The following BBS12 variants were observed in gnomAD, a reference collection of about 807,000 sequenced individuals.
BBS12 encodes the protein chaperonin-containing T-complex member BBS12.
Under a neutral mutation model 5.6 loss-of-function variants are expected in BBS12, and 5 were observed. That is an observed-to-expected ratio of 0.89 (90% CI 0.46 to 1.86). The LOEUF is 1.86. BBS12 is among the 40% of genes most tolerant of loss of function. BBS12 has a pLI of 0.01. For synonymous variants in BBS12, 308 were observed against 306.8 expected (o/e 1.00, Z -0.04); for missense variants, 748 against 830.4 (o/e 0.90, Z 1.22).
chr4:122,724,972 G>A, the BBS12 span, among the ~76,000 whole-genome samples: 19 of 152,110 alleles, frequency 1.2e-4, no homozygotes, highest in Admixed American at 6.5e-5. Flanking sequence ...TCAATGCCAT[G>A]ATTTTTTTTT....
chr4:122,737,704 G>A (rs309364), intron 1 of BBS12, among the ~76,000 whole-genome samples: 41,162 of 152,052 alleles, frequency 0.27, 6,783 homozygotes, highest in African/African-American at 0.45. Context: ...ATGACTTATG[G>A]ACATAAATAT....
chr4:122,717,394 T>C, the BBS12 span, among the ~76,000 whole-genome samples: 1 of 152,226 alleles, frequency 6.6e-6, no homozygotes, highest in South Asian at 2.1e-4. Context: ...ATCTATTCTT[T>C]CTTTTTTTTT....
At chr4:122,730,680 T>C (rs1290217777), upstream of BBS12, 1 of 152,168 alleles carries the variant, frequency 6.6e-6, no homozygotes, top group Non-Finnish European at 1.5e-5. Flanking sequence ...TAAAATGACA[T>C]AAATGAAGTC....
chr4:122,742,768 G>A lies in BBS12; in HGVS notation c.876G>A (p.Leu292=), dbSNP rs1800903154. 6.2e-7 allele frequency: 1 copy of A among 1,614,096 alleles called. No homozygotes were observed. The highest frequency in any genetic ancestry group is 1.3e-5 in the African/African-American group (1 of 74,946). The stretch of plus-strand genomic sequence containing the variant: ...AGTTAGTAGAAGAAGCAGTACAGCT[G>A]CAATATCAGAATGCTTGTGTGCAAC... The part of the protein sequence containing the change: ...SMKLVEEAVQ[L]QYQNACVQQG... Residue 292 remains leucine, a synonymous_variant, in exon 2 of 2, where the codon CTG becomes CTA. Coordinates refer to ENST00000314218, the MANE Select transcript of BBS12 (RefSeq NM_152618.3).
chr4:122,706,442 A>G, the BBS12 span, among the ~76,000 whole-genome samples: 1 of 152,168 alleles, frequency 6.6e-6, no homozygotes, highest in Non-Finnish European at 1.5e-5. Context: ...ATCAGTTTGA[A>G]TGCTGGAGGG....
At chr4:122,734,794 G>A (rs1800761050) in intron 1 of BBS12, among the ~76,000 whole-genome samples, 1 of 151,888 alleles carries the variant, frequency 6.6e-6, no homozygotes, top group Non-Finnish European at 1.5e-5. Context: ...TTTAATTGTA[G>A]GCTCAGATTC....
chr4:122,705,255 T>C, the BBS12 span, among the ~76,000 whole-genome samples: 2 of 152,130 alleles, frequency 1.3e-5, no homozygotes, highest in African/African-American at 2.4e-5. Flanking sequence ...GACACGTGAG[T>C]CATATAAATA....
chr4:122,740,567 G>T (rs1800853585), intron 1 of BBS12, among the ~76,000 whole-genome samples: 2 of 152,182 alleles, frequency 1.3e-5, no homozygotes, highest in Non-Finnish European at 2.9e-5. Context: ...GGCAGAGTAT[G>T]TATAATCTTT....
At chr4:122,716,570 A>ACATATGTATATATAC in the BBS12 span, among the ~76,000 whole-genome samples, 3 of 126,032 alleles carry the variant, frequency 2.4e-5, no homozygotes, top group Non-Finnish European at 5.1e-5. Flanking sequence ...TGTATATATA[A>ACATATGTATATATAC]ACATATGTAT....
chr4:122,733,859 C>CTTTTTTTTTTTT (rs35729794), intron 1 of BBS12: 2 of 97,128 alleles, frequency 2.1e-5, no homozygotes, highest in African/African-American at 3.9e-5. Flanking sequence ...TAACTTTAGT[C>CTTTTTTTTTTTT]TTTTTTTTTT....
the BBS12 span, among the ~76,000 whole-genome samples, chr4:122,704,933 A>G: frequency 6.6e-6 from 1 of 152,202 alleles, no homozygotes; most frequent in African/African-American, 2.4e-5. Context: ...AAAGCAGAAT[A>G]TATTTCTTCA....
chr4:122,709,940 G>A, the BBS12 span, among the ~76,000 whole-genome samples: 6 of 152,146 alleles, frequency 3.9e-5, no homozygotes, highest in African/African-American at 1.2e-4. Context: ...GCAGGCATGA[G>A]GTACTGTGCC....
At chr4:122,705,920 C>T in the BBS12 span, among the ~76,000 whole-genome samples, 1 of 152,190 alleles carries the variant, frequency 6.6e-6, no homozygotes, top group East Asian at 1.9e-4. Flanking sequence ...CAAAATATAA[C>T]TGACTGATAT....
the BBS12 span, among the ~76,000 whole-genome samples, chr4:122,717,448 T>G: frequency 6.6e-6 from 1 of 152,210 alleles, no homozygotes; most frequent in South Asian, 2.1e-4. Flanking sequence ...TTCTCTGGAT[T>G]TATCACTTTT....
the BBS12 span, among the ~76,000 whole-genome samples, chr4:122,726,406 C>T: frequency 1.3e-5 from 2 of 151,560 alleles, no homozygotes; most frequent in African/African-American, 2.4e-5. Context: ...TGACCATAAT[C>T]AAAAAATCAA....
the BBS12 span, among the ~76,000 whole-genome samples, chr4:122,720,650 G>A: frequency 4.6e-5 from 7 of 152,062 alleles, no homozygotes; most frequent in East Asian, 1.9e-4. Flanking sequence ...GAAAAACAGT[G>A]ATAAAGTCTA....
intron 1 of BBS12, 51 bp from the exon 2 acceptor site, chr4:122,741,832 A>G (rs1800876032): frequency 6.8e-7 from 1 of 1,473,494 alleles, no homozygotes; most frequent in Non-Finnish European, 9.4e-7. Flanking sequence ...TATAGCATTT[A>G]TAACTATGAA....
chr4:122,726,413 T>C, the BBS12 span, among the ~76,000 whole-genome samples: 1 of 151,450 alleles, frequency 6.6e-6, no homozygotes, highest in Non-Finnish European at 1.5e-5. Context: ...AATCAAAAAA[T>C]CAAAAAATAA....
chr4:122,716,654 TATGC>T, the BBS12 span, among the ~76,000 whole-genome samples: 1 of 78,038 alleles, frequency 1.3e-5, no homozygotes, highest in Non-Finnish European at 2.7e-5. Flanking sequence ...CGTGTGTGTA[TATGC>T]ACATACACAT....
Sources: gnomAD v4.1 joint callset for allele counts (sites outside exome capture counted in the v4.1 genomes callset) on GRCh38, gnomAD v4.1.1 for gene constraint, MANE v1.5 for transcripts, NCBI Gene and HGNC (gene_info 2026-07-23, HGNC 2026-07-21) for gene names.